The following SORL1 variants were observed in gnomAD, a reference collection of about 807,000 sequenced individuals.
The protein encoded by SORL1 is sortilin related receptor 1, also known as sortilin-related receptor.
SORL1 carries 127 observed loss-of-function variants against 273.7 expected under a neutral mutation model. The ratio of observed to expected loss-of-function variants is 0.46; its 90% CI spans 0.40 to 0.54. The LOEUF is 0.54. SORL1 is among the 20% of genes least tolerant of loss of function. The pLI is 0.00. For missense variants in SORL1, 2,494 were observed against 2,846.1 expected (o/e 0.88, Z 2.81); for synonymous variants, 1,031 against 1,067.4 (o/e 0.97, Z 0.66).
chr11:121,561,657 C>T (rs550277784), intron 21 of SORL1, among the ~76,000 whole-genome samples: 90 of 148,416 alleles, frequency 6.1e-4, no homozygotes, highest in African/African-American at 2.1e-3. Flanking sequence ...CTGCTGCACT[C>T]CATCCTGGGT....
chr11:121,487,872 G>A (rs965608853), intron 3 of SORL1, among the ~76,000 whole-genome samples, 160 bp from the exon 4 acceptor site: 2 of 152,160 alleles, frequency 1.3e-5, no homozygotes, highest in African/African-American at 4.8e-5. Context: ...CAAGAGATGG[G>A]GAGAAAGCCA....
At chr11:121,493,762 A>G (rs576621694) in intron 5 of SORL1, among the ~76,000 whole-genome samples, 18 of 152,340 alleles carry the variant, frequency 1.2e-4, no homozygotes, top group African/African-American at 4.1e-4. Context: ...CAGAAGATGT[A>G]GATACTGCCT....
At chr11:121,540,112 C>T (rs1862324722) in intron 12 of SORL1, among the ~76,000 whole-genome samples, 1 of 152,108 alleles carries the variant, frequency 6.6e-6, no homozygotes. Context: ...GTTATATGAC[C>T]TTTTTTCCCA....
At chr11:121,556,669 T>C (rs1862591269) in intron 18 of SORL1, among the ~76,000 whole-genome samples, 1 of 152,188 alleles carries the variant, frequency 6.6e-6, no homozygotes, top group Non-Finnish European at 1.5e-5. Flanking sequence ...GAGCTACTGA[T>C]GCTTATTGGT....
Position 121,452,735 on chromosome 11 carries a change from T to C in SORL1, c.285+119T>C. The C allele has an allele frequency of 1.1e-6, 1 of 896,956 alleles. No homozygotes were observed. Among genetic ancestry groups the C allele is most frequent in the African/African-American group, 1.8e-5 (1 of 56,814 alleles). The allele number at this position is 896,956 out of a possible 1,614,324, so 55.6% of individuals were successfully genotyped here. A position where few individuals can be genotyped will look rare whatever the true frequency, so the allele number is the denominator to read the frequency against. On this transcript the variant is annotated intron_variant, in intron 1 of 47. Coordinates refer to ENST00000260197, the MANE Select transcript of SORL1 (RefSeq NM_003105.6). This position sits in a 1 kb window ranked among gnomAD's most constrained non-coding sequence, Gnocchi z 5.3. The stretch of plus-strand genomic sequence containing the variant: ...CAGGCACCACTGGGGACTTCCCGGC[T>C]TGCATTTGTTTTTTTCCTTCACGAG...
chr11:121,596,093 G>C lies in SORL1; in HGVS notation c.4519+321G>C, dbSNP rs966043835. ...CTCTTTAAAAACGCCCTTGGGGAAA[G>C]CCACAACTCTTCTGTATGTACATTC... On this transcript the variant is annotated intron_variant, in intron 32 of 47. Transcript: ENST00000260197. The surrounding 1 kb of genome is among the most constrained non-coding windows in gnomAD (Gnocchi z 4.3). 4.5e-4 allele frequency among the ~76,000 whole-genome samples: 68 copies of C among 152,218 alleles called. No individual in the cohort carries two copies. Among genetic ancestry groups the C allele is most frequent in the African/African-American group, 1.6e-3 (65 of 41,450 alleles).
At chr11:121,556,590 G>T (rs568440173) in intron 18 of SORL1, among the ~76,000 whole-genome samples, 11 of 152,192 alleles carry the variant, frequency 7.2e-5, no homozygotes, top group Non-Finnish European at 1.6e-4. Context: ...CTTTTCACAG[G>T]CTGTGGGGCG....
At chr11:121,569,661 G>A (rs1862807544) in intron 22 of SORL1, among the ~76,000 whole-genome samples, 1 of 152,288 alleles carries the variant, frequency 6.6e-6, no homozygotes, top group East Asian at 1.9e-4. Flanking sequence ...TCTGTCTCCT[G>A]ATAAGATGTT....
At chr11:121,618,964 C>G in intron 42 of SORL1, 71 bp downstream of exon 42, 1 of 1,558,748 alleles carries the variant, frequency 6.4e-7, no homozygotes, top group South Asian at 1.1e-5. Flanking sequence ...CAACCCAGGA[C>G]CTGGGGAGCT....
intron 22 of SORL1, among the ~76,000 whole-genome samples, chr11:121,569,940 T>C (rs1862812826): frequency 1.3e-5 from 2 of 152,248 alleles, no homozygotes; most frequent in South Asian, 4.1e-4. Flanking sequence ...ATTTCTCTCT[T>C]TTTTTACGCT....
chr11:121,555,314 T>C lies in SORL1; in HGVS notation c.2567T>C (p.Ile856Thr), dbSNP rs1249887759. Reference protein sequence around the residue: ...LYWVDAGFKKIEVANPDGDFR... With the variant: ...LYWVDAGFKKTEVANPDGDFR... Reference sequence around the variant, plus strand: ...TGGGTAGATGCAGGCTTCAAAAAGATTGAGGTATGTGTATTTTCGTGCTGT... The same window carrying C: ...TGGGTAGATGCAGGCTTCAAAAAGACTGAGGTATGTGTATTTTCGTGCTGT... Residue 856 changes from isoleucine (I) to threonine (T), a missense_variant, in exon 18 of 48, where the codon ATT becomes ACT. This residue lies in a region of SORL1 where 1,609 missense variants were observed against 1,816.4 expected (regional missense o/e 0.89). Transcript: ENST00000260197. 1.2e-6 allele frequency: 2 copies of C among 1,613,694 alleles called. No homozygotes were observed. Among genetic ancestry groups the C allele is most frequent in the East Asian group, 2.2e-5 (1 of 44,864 alleles).
At chr11:121,487,117 G>T (rs1031408064) in intron 3 of SORL1, among the ~76,000 whole-genome samples, 1 of 152,140 alleles carries the variant, frequency 6.6e-6, no homozygotes, top group Non-Finnish European at 1.5e-5. Flanking sequence ...TCATCTCTCA[G>T]CCTGGAGAGG....
At chr11:121,583,609 C>T (rs766124116) in intron 26 of SORL1, 26 bp downstream of exon 26, 10 of 1,585,026 alleles carry the variant, frequency 6.3e-6, no homozygotes, top group Non-Finnish European at 8.6e-6. Context: ...CCAGCTCCCT[C>T]CCTGAGCCTC....
Position 121,550,125 on chromosome 11 carries a change from C to T in SORL1, c.2180+37C>T, listed in dbSNP as rs753839131. The T allele has an allele frequency of 4.3e-5, 69 of 1,599,012 alleles. No individual in the cohort carries two copies. Among genetic ancestry groups the T allele is most frequent in the South Asian group, 7.8e-5 (7 of 89,282 alleles). ...AGAGGTTGCCCTGTCAGGTTCTCAGCGGTCCGCACATGGAGCGAGAGAGCA... is the reference window on the plus strand; with the variant it reads ...AGAGGTTGCCCTGTCAGGTTCTCAGTGGTCCGCACATGGAGCGAGAGAGCA... On this transcript the variant is annotated intron_variant, in intron 15 of 47. Coordinates refer to ENST00000260197, the MANE Select transcript of SORL1 (RefSeq NM_003105.6). This position sits in a 1 kb window ranked among gnomAD's most constrained non-coding sequence, Gnocchi z 5.3.
At chr11:121,607,783 G>A (rs369444923) in intron 37 of SORL1, among the ~76,000 whole-genome samples, 7 of 152,138 alleles carry the variant, frequency 4.6e-5, no homozygotes, top group Non-Finnish European at 2.9e-5. Context: ...AATTTTGTCA[G>A]TACCCTTTTT....
rs1863504421 is a variant in SORL1, at chr11:121,607,996, C to T, written c.5167-108C>T. On this transcript the variant is annotated intron_variant, in intron 37 of 47. Transcript: ENST00000260197. ...TGGATCACTCTGTATAAAATTTTTC[C>T]AGCCTCACTGCCAAAATCTCACCCC... 6.3e-6 allele frequency: 6 copies of T among 952,106 alleles called. No homozygotes were observed. In the Admixed American group the frequency reaches 7.1e-5, roughly 11 times the overall value. The allele number at this position is 952,106 out of a possible 1,614,324, so 59.0% of individuals were successfully genotyped here.
intron 1 of SORL1, 142 bp from the exon 2 acceptor site, chr11:121,469,865 G>C: frequency 2.9e-6 from 2 of 690,002 alleles, no homozygotes; most frequent in Non-Finnish European, 5.3e-6. Flanking sequence ...AGGTGGGAGG[G>C]GAAGAGGCCA....
intron 34 of SORL1, 69 bp downstream of exon 34, chr11:121,605,308 T>G: frequency 6.3e-7 from 1 of 1,581,292 alleles, no homozygotes; most frequent in South Asian, 1.2e-5. Flanking sequence ...CTGTAAACTC[T>G]CTAGTGGCAT....
At chr11:121,509,557 A>C (rs1197719320) in intron 6 of SORL1, among the ~76,000 whole-genome samples, 4 of 151,918 alleles carry the variant, frequency 2.6e-5, no homozygotes, top group Non-Finnish European at 4.4e-5. Flanking sequence ...GCTCACCGCA[A>C]CCTCCGCCTC....
Sources: gnomAD v4.1 joint callset for allele counts (sites outside exome capture counted in the v4.1 genomes callset) on GRCh38, gnomAD v4.1.1 for gene constraint, gnomAD v4.1.1 regional missense constraint, Gnocchi (gnomAD v3.1) non-coding constraint, MANE v1.5 for transcripts, NCBI Gene and HGNC (gene_info 2026-07-23, HGNC 2026-07-21) for gene names.